ZNF804B: variants seen among roughly 807,000 people sequenced by gnomAD.
The protein encoded by ZNF804B is zinc finger protein 804B, also known as zinc finger 804B.
A neutral mutation model predicts 101.4 loss-of-function variants in ZNF804B; 80 were observed. The ratio of observed to expected loss-of-function variants is 0.79; its 90% CI spans 0.66 to 0.95. The LOEUF is 0.95. ZNF804B is among the 40% of genes least tolerant of loss of function. The pLI is 0.00. For missense variants in ZNF804B, 1,673 were observed against 1,561.9 expected (o/e 1.07, Z -1.20); for synonymous variants, 622 against 558.8 (o/e 1.11, Z -1.59).
chr7:88,903,299 G>C (rs1474152733), intron 1 of ZNF804B, among the ~76,000 whole-genome samples: 1 of 152,066 alleles, frequency 6.6e-6, no homozygotes, highest in African/African-American at 2.4e-5. Context: ...TTTAATGGCT[G>C]TATAGTATTC....
intron 1 of ZNF804B, among the ~76,000 whole-genome samples, chr7:88,964,671 G>A (rs987974987): frequency 3.3e-5 from 5 of 151,462 alleles, no homozygotes; most frequent in African/African-American, 1.2e-4. Context: ...CAGTTAAATG[G>A]TGAAGTTGAT....
chr7:88,767,502 T>A (rs1790002351), intron 1 of ZNF804B, among the ~76,000 whole-genome samples: 1 of 152,260 alleles, frequency 6.6e-6, no homozygotes, highest in Non-Finnish European at 1.5e-5. Context: ...GCATTTTCTT[T>A]TTGTGAATGA....
chr7:89,096,615 C>T (rs905129078), intron 1 of ZNF804B, among the ~76,000 whole-genome samples: 8 of 152,110 alleles, frequency 5.3e-5, no homozygotes, highest in Admixed American at 1.3e-4. Context: ...CCTGATTTTA[C>T]GATAATCCAG....
At chr7:89,258,574 T>G (rs1208833) in intron 2 of ZNF804B, among the ~76,000 whole-genome samples, 106,702 of 151,880 alleles carry the variant, frequency 0.7, 38,441 homozygotes, top group African/African-American at 0.83. Flanking sequence ...ATATACAATT[T>G]ACCCTTGAAC....
At chr7:88,794,518 AG>A (rs747747087) in intron 1 of ZNF804B, 1 of 1,613,768 alleles carries the variant, frequency 6.2e-7, no homozygotes, top group Non-Finnish European at 8.5e-7. Flanking sequence ...TTGCATAAAA[AG>A]CCTCATTGGA....
intron 1 of ZNF804B, among the ~76,000 whole-genome samples, chr7:88,798,970 A>T (rs1384521960): frequency 6.6e-6 from 1 of 152,118 alleles, no homozygotes; most frequent in African/African-American, 2.4e-5. Flanking sequence ...TCCAAGTTCA[A>T]GTTCAAACAA....
chr7:89,036,755 C>T (rs1404741537), intron 1 of ZNF804B, among the ~76,000 whole-genome samples: 1 of 152,094 alleles, frequency 6.6e-6, no homozygotes, highest in East Asian at 1.9e-4. Flanking sequence ...ACACATTATG[C>T]TGTCCCTTCC....
chr7:89,158,618 A>C (rs757384494), intron 1 of ZNF804B, among the ~76,000 whole-genome samples: 4 of 152,150 alleles, frequency 2.6e-5, no homozygotes, highest in Non-Finnish European at 4.4e-5. Context: ...ATCTTGCTTA[A>C]ATACCTAGTT....
At chr7:89,157,096 A>T (rs1397813126) in intron 1 of ZNF804B, among the ~76,000 whole-genome samples, 2 of 152,170 alleles carry the variant, frequency 1.3e-5, no homozygotes, top group African/African-American at 4.8e-5. Context: ...TCTATTGGTG[A>T]TACTGTTTAT....
At chr7:89,027,067 G>A (rs971642458) in intron 1 of ZNF804B, among the ~76,000 whole-genome samples, 1 of 152,016 alleles carries the variant, frequency 6.6e-6, no homozygotes, top group South Asian at 2.1e-4. Context: ...ATGAAATAAA[G>A]GTGAGGCAAG....
chr7:88,859,956 A>G (rs1791623485), intron 1 of ZNF804B, among the ~76,000 whole-genome samples: 1 of 151,790 alleles, frequency 6.6e-6, no homozygotes, highest in Non-Finnish European at 1.5e-5. Flanking sequence ...AAATTTCTCT[A>G]TTGAGAAAAA....
In ZNF804B at chr7:89,151,266, C is replaced by T. The variant is rs532426869; in HGVS notation, c.109-66889C>T. Among the ~76,000 whole-genome samples the T allele has an allele frequency of 2.0e-5, 3 of 152,076 alleles. No homozygotes were observed. In the South Asian group the frequency reaches 6.2e-4, roughly 32 times the overall value. On this transcript the variant is annotated intron_variant, in intron 1 of 3. Coordinates refer to ENST00000333190, the MANE Select transcript of ZNF804B (RefSeq NM_181646.5). ...TATATAATGGCCATTGAACATTTAT[C>T]ATTATTAGTAAAGTCTGAACAGGAA...
At chr7:89,268,305 T>C (rs973416371) in intron 2 of ZNF804B, among the ~76,000 whole-genome samples, 2 of 152,160 alleles carry the variant, frequency 1.3e-5, no homozygotes, top group African/African-American at 4.8e-5. Context: ...GTTTTTATCA[T>C]ATTCAACGAT....
chr7:88,941,981 G>T (rs1264243134), intron 1 of ZNF804B, among the ~76,000 whole-genome samples: 3 of 151,818 alleles, frequency 2.0e-5, no homozygotes, highest in Admixed American at 6.6e-5. Flanking sequence ...TTATTTTATA[G>T]ACAATATCTA....
chr7:89,091,021 G>A (rs1231571096), intron 1 of ZNF804B, among the ~76,000 whole-genome samples: 1 of 152,102 alleles, frequency 6.6e-6, no homozygotes, highest in Non-Finnish European at 1.5e-5. Context: ...GTATGTGGAT[G>A]AGCTTTCCAT....
At chr7:89,060,726 TAG>T (rs977215282) in intron 1 of ZNF804B, among the ~76,000 whole-genome samples, 28 of 152,194 alleles carry the variant, frequency 1.8e-4, no homozygotes, top group African/African-American at 5.1e-4. Context: ...CGAAGATTTT[TAG>T]AGTTTTAATT....
chr7:89,018,735 A>G (rs575707115), intron 1 of ZNF804B, among the ~76,000 whole-genome samples: 2 of 152,118 alleles, frequency 1.3e-5, no homozygotes, highest in African/African-American at 4.8e-5. Flanking sequence ...GGTAGGTTGT[A>G]TATGTCCAGA....
chr7:88,767,280 T>C (rs1245183871), intron 1 of ZNF804B, among the ~76,000 whole-genome samples: 1 of 152,198 alleles, frequency 6.6e-6, no homozygotes, highest in Non-Finnish European at 1.5e-5. Flanking sequence ...GCTTTCCCCA[T>C]ATCTCCATTC....
intron 2 of ZNF804B, among the ~76,000 whole-genome samples, chr7:89,257,301 C>T (rs991677341): frequency 4.6e-5 from 7 of 152,058 alleles, no homozygotes; most frequent in Admixed American, 6.6e-5. Context: ...TTGAATATAG[C>T]ATATTATATG....
Sources: gnomAD v4.1 joint callset for allele counts (sites outside exome capture counted in the v4.1 genomes callset) on GRCh38, gnomAD v4.1.1 for gene constraint, MANE v1.5 for transcripts, NCBI Gene and HGNC (gene_info 2026-07-23, HGNC 2026-07-21) for gene names.